The following PRR5L variants were observed in gnomAD, a reference collection of about 807,000 sequenced individuals.
The protein encoded by PRR5L is proline-rich protein 5-like.
A neutral mutation model predicts 36.4 loss-of-function variants in PRR5L; 21 were observed. The ratio of observed to expected loss-of-function variants is 0.58; its 90% CI spans 0.41 to 0.83. PRR5L has a LOEUF of 0.83. PRR5L is among the 40% of genes least tolerant of loss of function. The pLI is 0.00. For synonymous variants in PRR5L, 188 were observed against 197.0 expected, an observed-to-expected ratio of 0.95 and a Z score of 0.38; for missense variants, 381 against 473.3, an observed-to-expected ratio of 0.80 and a Z score of 1.81.
At chr11:36,379,467 GGTTT>G (rs1190794312) in intron 1 of PRR5L, 1 of 152,162 alleles carries the variant, frequency 6.6e-6, no homozygotes, top group African/African-American at 2.4e-5. Context: ...CATCATTAAA[GGTTT>G]GTTCTCAAGA....
At chr11:36,419,557 G>T (rs1858219080) in intron 4 of PRR5L, among the ~76,000 whole-genome samples, 1 of 152,160 alleles carries the variant, frequency 6.6e-6, no homozygotes, top group South Asian at 2.1e-4. Flanking sequence ...AAAACGTATT[G>T]CTTATTTGGG....
At chr11:36,352,691 CA>C (rs1856988404) in intron 1 of PRR5L, among the ~76,000 whole-genome samples, 1 of 152,144 alleles carries the variant, frequency 6.6e-6, no homozygotes, top group Non-Finnish European at 1.5e-5. Context: ...GTGCTAATCC[CA>C]GGTTACAGTA....
At chr11:36,318,485 G>A (rs1048914761) in intron 1 of PRR5L, among the ~76,000 whole-genome samples, 1 of 152,118 alleles carries the variant, frequency 6.6e-6, no homozygotes, top group African/African-American at 2.4e-5. Flanking sequence ...GTTGGTGTTC[G>A]TTTGGGCTCA....
At chr11:36,332,465 TA>T (rs999009732) in intron 1 of PRR5L, among the ~76,000 whole-genome samples, 1 of 152,202 alleles carries the variant, frequency 6.6e-6, no homozygotes, top group Non-Finnish European at 1.5e-5. Flanking sequence ...ATCTACTATA[TA>T]ACCTGAGTGA....
At chr11:36,367,722 G>A (rs1160685563) in intron 1 of PRR5L, among the ~76,000 whole-genome samples, 1 of 145,920 alleles carries the variant, frequency 6.9e-6, no homozygotes, top group Non-Finnish European at 1.5e-5. Context: ...GGCTTCATGG[G>A]AGCCGGGACC....
intron 1 of PRR5L, among the ~76,000 whole-genome samples, chr11:36,355,990 C>T (rs1423573967): frequency 1.3e-5 from 2 of 152,032 alleles, no homozygotes; most frequent in African/African-American, 4.8e-5. Flanking sequence ...CAGCTCACTG[C>T]AGCCTTGACC....
At chr11:36,439,782 T>C (rs1858683303) in intron 6 of PRR5L, among the ~76,000 whole-genome samples, 1 of 152,194 alleles carries the variant, frequency 6.6e-6, no homozygotes, top group South Asian at 2.1e-4. Context: ...ATTTATAGTT[T>C]TATAGGACTG....
At chr11:36,306,218 A>G (rs778904417) in intron 1 of PRR5L, among the ~76,000 whole-genome samples, 4 of 152,086 alleles carry the variant, frequency 2.6e-5, no homozygotes, top group African/African-American at 4.8e-5. Context: ...CATTTACATT[A>G]GGTATTTCTC....
At chr11:36,413,118 G>C (rs946996734) in intron 3 of PRR5L, among the ~76,000 whole-genome samples, 1 of 152,126 alleles carries the variant, frequency 6.6e-6, no homozygotes, top group Non-Finnish European at 1.5e-5. Context: ...ACCAATGCAA[G>C]CAGAATAAAC....
At chr11:36,456,216 G>T (rs747280502) in intron 8 of PRR5L, among the ~76,000 whole-genome samples, 2 of 152,184 alleles carry the variant, frequency 1.3e-5, no homozygotes, top group Admixed American at 1.3e-4. Context: ...TGTTATGGAC[G>T]CCCAGCTAAA....
intron 1 of PRR5L, among the ~76,000 whole-genome samples, chr11:36,366,756 T>C (rs1049965643): frequency 2.0e-5 from 3 of 152,212 alleles, no homozygotes; most frequent in African/African-American, 7.2e-5. Context: ...GGTTGTACAG[T>C]AGGCTTTGAC....
chr11:36,450,800 G>A (rs929772197), intron 7 of PRR5L, among the ~76,000 whole-genome samples: 2 of 152,200 alleles, frequency 1.3e-5, no homozygotes, highest in South Asian at 4.1e-4. Flanking sequence ...ACAGAAGGGG[G>A]ATAATAAGAG....
At chr11:36,359,363 G>A (rs1265122554) in intron 1 of PRR5L, among the ~76,000 whole-genome samples, 1 of 152,178 alleles carries the variant, frequency 6.6e-6, no homozygotes, top group Non-Finnish European at 1.5e-5. Context: ...GATTTGACCA[G>A]AATTGTAATA....
At chr11:36,332,414 A>G (rs1475626580) in intron 1 of PRR5L, among the ~76,000 whole-genome samples, 1 of 152,196 alleles carries the variant, frequency 6.6e-6, no homozygotes, top group Admixed American at 6.5e-5. Context: ...AGTTGGGAGT[A>G]TTCTCTGGCA....
intron 8 of PRR5L, among the ~76,000 whole-genome samples, chr11:36,460,036 AGAT>A (rs1859146609): frequency 6.6e-6 from 1 of 152,222 alleles, no homozygotes; most frequent in Non-Finnish European, 1.5e-5. Flanking sequence ...CTTTGCCCAG[AGAT>A]GATAACTAGA....
chr11:36,439,578 C>T (rs1858678342), intron 6 of PRR5L, among the ~76,000 whole-genome samples: 1 of 152,174 alleles, frequency 6.6e-6, no homozygotes, highest in Non-Finnish European at 1.5e-5. Context: ...CATGTGCTAA[C>T]CCTGCTTTAT....
At chr11:36,382,797 C>T (rs1328870585) in intron 1 of PRR5L, among the ~76,000 whole-genome samples, 8 of 152,178 alleles carry the variant, frequency 5.3e-5, no homozygotes, top group South Asian at 2.1e-4. Context: ...GGGACAAAAT[C>T]GCCCCTAGTT....
chr11:36,364,352 A>G (rs574533753), intron 1 of PRR5L, among the ~76,000 whole-genome samples: 1 of 152,284 alleles, frequency 6.6e-6, no homozygotes. Context: ...CTGTCATTAG[A>G]TAGAGGGAAT....
intron 3 of PRR5L, among the ~76,000 whole-genome samples, chr11:36,403,616 G>T (rs1450363828): frequency 1.3e-5 from 2 of 152,146 alleles, no homozygotes; most frequent in Non-Finnish European, 2.9e-5. Flanking sequence ...TAGGGGAAGG[G>T]GTGGAGAGTT....
Sources: allele counts gnomAD v4.1 joint callset (sites outside exome capture counted in the v4.1 genomes callset), GRCh38; gene constraint gnomAD v4.1.1; transcripts MANE v1.5; gene names NCBI Gene and HGNC (gene_info 2026-07-23, HGNC 2026-07-21).